RNF214: variants seen among roughly 807,000 people sequenced by gnomAD.
RNF214 encodes ring finger protein 214.
In RNF214, 25 loss-of-function variants were observed where a neutral mutation model predicts 75.9. The ratio of observed to expected loss-of-function variants is 0.33; its 90% CI spans 0.24 to 0.46. The LOEUF is 0.46. Ranked by LOEUF, RNF214 falls within the 20% of genes least tolerant of loss-of-function variation. The pLI, the probability that RNF214 is intolerant of heterozygous loss-of-function variation, is 1.00. For synonymous variants in RNF214, 314 were observed against 308.8 expected, an observed-to-expected ratio of 1.02 and a Z score of -0.18; for missense variants, 725 against 857.5, an observed-to-expected ratio of 0.85 and a Z score of 1.93.
Position 117,242,705 on chromosome 11 carries a change from T to C in RNF214, c.679-1740T>C, listed in dbSNP as rs544163590. ...CCATCTCTCCTAAAAATACAAAAAT[T>C]AGCCGAACGTGGTGGCGGGTGCCTG... is the stretch of plus-strand genomic sequence containing the variant. On this transcript the variant is annotated intron_variant, in intron 4 of 14. Coordinates refer to ENST00000300650, the MANE Select transcript of RNF214 (RefSeq NM_207343.4). Among the ~76,000 whole-genome samples the C allele has an allele frequency of 9.5e-4, 144 of 152,220 alleles. 1 individual carries two copies. Among genetic ancestry groups the C allele is most frequent in the African/African-American group, 2.6e-3 (108 of 41,532 alleles).
intron 2 of RNF214, 106 bp downstream of exon 2, chr11:117,234,485 T>A: frequency 1.3e-6 from 1 of 746,066 alleles, no homozygotes; most frequent in Non-Finnish European, 2.4e-6. Context: ...CTGCACTAGC[T>A]TTTTAAAGGT....
chr11:117,233,787 G>T (rs1442671471), intron 1 of RNF214, among the ~76,000 whole-genome samples: 1 of 152,182 alleles, frequency 6.6e-6, no homozygotes, highest in East Asian at 1.9e-4. Context: ...TGCATTACTT[G>T]TTGACTTACA....
intron 4 of RNF214, among the ~76,000 whole-genome samples, chr11:117,242,947 T>C (rs1348324644): frequency 1.3e-5 from 2 of 152,298 alleles, no homozygotes; most frequent in Non-Finnish European, 1.5e-5. Context: ...CAGAAAAATA[T>C]ATACATTCAT....
intron 6 of RNF214, among the ~76,000 whole-genome samples, chr11:117,265,723 G>GT (rs1168554441): frequency 5.9e-5 from 9 of 152,146 alleles, no homozygotes; most frequent in East Asian, 3.9e-4. Flanking sequence ...CCATCTCTTA[G>GT]TTTTTTTAAA....
chr11:117,235,289 C>T (rs1299583834), intron 2 of RNF214, among the ~76,000 whole-genome samples: 3 of 151,420 alleles, frequency 2.0e-5, no homozygotes, highest in South Asian at 2.1e-4. Context: ...CTCTGCCTCC[C>T]GGGTTTATGC....
intron 6 of RNF214, among the ~76,000 whole-genome samples, chr11:117,274,786 T>G (rs2033982518): frequency 6.6e-6 from 1 of 151,958 alleles, no homozygotes. Context: ...GCAGTTCTTC[T>G]GCCTTAGCCT....
intron 5 of RNF214, among the ~76,000 whole-genome samples, chr11:117,246,281 A>T (rs1446197441): frequency 5.4e-5 from 7 of 128,736 alleles, no homozygotes; most frequent in Non-Finnish European, 1.0e-4. Flanking sequence ...CTTCTTATTT[A>T]AAAAAAAAAA....
chr11:117,235,862 A>G (rs1245543332), intron 2 of RNF214, among the ~76,000 whole-genome samples: 1 of 152,128 alleles, frequency 6.6e-6, no homozygotes, highest in Non-Finnish European at 1.5e-5. Context: ...GTCCATCATC[A>G]CAAACGTTTA....
intron 2 of RNF214, among the ~76,000 whole-genome samples, chr11:117,237,122 C>T (rs915423736): frequency 6.6e-6 from 1 of 152,204 alleles, no homozygotes; most frequent in Non-Finnish European, 1.5e-5. Context: ...ATCTGTCATC[C>T]AGGCTGGAGT....
chr11:117,236,717 C>G (rs866735111), intron 2 of RNF214, among the ~76,000 whole-genome samples: 1 of 152,326 alleles, frequency 6.6e-6, no homozygotes, highest in South Asian at 2.1e-4. Context: ...GGTGAGGAAA[C>G]TGAGACACAG....
chr11:117,233,967 C>T (rs911497319), intron 1 of RNF214, among the ~76,000 whole-genome samples: 6 of 152,184 alleles, frequency 3.9e-5, no homozygotes, highest in African/African-American at 1.4e-4. Flanking sequence ...AAGATCCTGG[C>T]AGACTAAGAT....
At chr11:117,257,777 T>G (rs1301846575) in intron 6 of RNF214, among the ~76,000 whole-genome samples, 1 of 152,230 alleles carries the variant, frequency 6.6e-6, no homozygotes, top group African/African-American at 2.4e-5. Context: ...AAGAGGATGC[T>G]TAATAGTATT....
chr11:117,282,475 A>C lies in RNF214; in HGVS notation c.1784A>C (p.Glu595Ala), dbSNP rs539528269. The C allele has an allele frequency of 5.3e-5, 85 of 1,614,162 alleles. No homozygotes were observed. In the South Asian group the frequency reaches 8.6e-4, roughly 16 times the overall value. The change falls in exon 12 of 15, where the codon GAA (glutamate) becomes GCA (alanine). Residue 595 changes from glutamate (E) to alanine (A), a missense_variant. Glu to Ala is a moderately radical substitution (Grantham distance 107). Transcript: ENST00000300650. ...RTTMAGLTMEELIQLVAARLA... is the reference protein window; with the variant it reads ...RTTMAGLTMEALIQLVAARLA... ...ACCATGGCAGGCCTGACCATGGAGG[A>C]ACTTATCCAGTTGGTTGCTGCACGA... is the stretch of plus-strand genomic sequence containing the variant.
chr11:117,260,120 T>C (rs1235044619), intron 6 of RNF214, among the ~76,000 whole-genome samples: 1 of 151,730 alleles, frequency 6.6e-6, no homozygotes, highest in Non-Finnish European at 1.5e-5. Context: ...CATTGGAATG[T>C]GTGTTTGTTT....
At chr11:117,282,997 A>G (rs1166727738) in intron 13 of RNF214, 118 bp from the exon 14 acceptor site, 10 of 988,342 alleles carry the variant, frequency 1.0e-5, no homozygotes, top group Middle Eastern at 4.5e-4. Context: ...GCAAGAATCT[A>G]TATTTGGATT....
At chr11:117,250,157 C>G (rs1436015408) in intron 6 of RNF214, among the ~76,000 whole-genome samples, 1 of 152,124 alleles carries the variant, frequency 6.6e-6, no homozygotes, top group Admixed American at 6.6e-5. Context: ...GCATATAACC[C>G]ATACTGGGTA....
intron 4 of RNF214, among the ~76,000 whole-genome samples, chr11:117,241,240 T>C (rs189143581): frequency 6.7e-6 from 1 of 149,984 alleles, no homozygotes; most frequent in African/African-American, 2.5e-5. Flanking sequence ...ACTTGGGAGG[T>C]TGAGGTAGAA....
intron 2 of RNF214, among the ~76,000 whole-genome samples, chr11:117,236,804 C>T (rs74808315): frequency 6.6e-6 from 1 of 152,204 alleles, no homozygotes; most frequent in African/African-American, 2.4e-5. Context: ...ACTTCATACA[C>T]TAGTAATAAT....
At chr11:117,250,897 T>C (rs376452244) in intron 6 of RNF214, among the ~76,000 whole-genome samples, 2 of 147,152 alleles carry the variant, frequency 1.4e-5, no homozygotes, top group Non-Finnish European at 3.0e-5. Context: ...CCTGAGTGGA[T>C]ACAGCACATG....
Sources: allele counts gnomAD v4.1 joint callset (sites outside exome capture counted in the v4.1 genomes callset), GRCh38; gene constraint gnomAD v4.1.1; transcripts MANE v1.5; gene names NCBI Gene and HGNC (gene_info 2026-07-23, HGNC 2026-07-21).